GNG7: variants seen among roughly 807,000 people sequenced by gnomAD.
The protein encoded by GNG7 is G protein subunit gamma 7.
Under a neutral mutation model 4.0 loss-of-function variants are expected in GNG7, and 1 was observed. The ratio of observed to expected loss-of-function variants is 0.25; its 90% CI spans 0.09 to 1.18. The LOEUF (loss-of-function observed/expected upper bound fraction) is 1.18. Among genes scored for constraint, GNG7 ranks in the 50% most tolerant of loss-of-function variants. The pLI is 0.50. For missense variants in GNG7, 86 were observed against 91.9 expected (o/e 0.94, Z 0.26); for synonymous variants, 34 against 36.9 (o/e 0.92, Z 0.29).
chr19:2,579,301 G>A (rs1346884908), intron 2 of GNG7, among the ~76,000 whole-genome samples: 1 of 152,232 alleles, frequency 6.6e-6, no homozygotes, highest in Non-Finnish European at 1.5e-5. Flanking sequence ...CAGCACGGCT[G>A]GCTCCCGTCC....
chr19:2,624,832 A>T (rs2144836350), intron 2 of GNG7, among the ~76,000 whole-genome samples: 1 of 152,360 alleles, frequency 6.6e-6, no homozygotes, highest in East Asian at 1.9e-4. Flanking sequence ...CCTCCAGCCC[A>T]TCCCACAGGC....
At chr19:2,701,453 C>A (rs1913398717) in intron 1 of GNG7, among the ~76,000 whole-genome samples, 1 of 150,126 alleles carries the variant, frequency 6.7e-6, no homozygotes, top group Non-Finnish European at 1.5e-5. Context: ...CACTCACAAG[C>A]TCCCCATTTC....
intron 3 of GNG7, among the ~76,000 whole-genome samples, chr19:2,543,437 C>T (rs192572674): frequency 4.7e-4 from 72 of 152,216 alleles, no homozygotes; most frequent in Admixed American, 7.2e-4. Context: ...ATTGCTCAGG[C>T]CAGTCTCAAA....
Position 2,557,260 on chromosome 19 carries a change from C to T in GNG7, c.-77-2072G>A. On this transcript the variant is annotated intron_variant, in intron 2 of 4. Coordinates refer to ENST00000382159, the MANE Select transcript of GNG7 (RefSeq NM_052847.3). The surrounding 1 kb of genome is among the most constrained non-coding windows in gnomAD (Gnocchi z 5.1). ...ACGCACATGTGCACACACACGTGCA[C>T]ACACATTTGCACACACAGACACGTG... is the stretch of plus-strand genomic sequence containing the variant. Among the ~76,000 whole-genome samples the T allele has an allele frequency of 6.7e-6, 1 of 150,016 alleles. No individual in the cohort carries two copies. The highest frequency in any genetic ancestry group is 2.1e-4 in the South Asian group (1 of 4,786).
rs1568240124 is a variant in GNG7, at chr19:2,551,590, C to CAAATATATATTTATAAATATAT, written c.-38+3558_-38+3559insATATATTTATAAATATATATTT. 4.1e-5 allele frequency among the ~76,000 whole-genome samples: 5 copies of CAAATATATATTTATAAATATAT among 122,568 alleles called. 2 individuals are homozygous for CAAATATATATTTATAAATATAT. The highest frequency in any genetic ancestry group is 6.1e-5 in the African/African-American group (2 of 32,860). 80.4% of individuals were successfully genotyped at this position (122,568 alleles called of 152,430 possible). On this transcript the variant is annotated intron_variant, in intron 3 of 4. Coordinates refer to ENST00000382159, the MANE Select transcript of GNG7 (RefSeq NM_052847.3). ...CTATTATCTATAATATATAAATATGCATTTATAAATATATAAACAAATATA... is the reference window on the plus strand; with the variant it reads ...CTATTATCTATAATATATAAATATGCAAATATATATTTATAAATATATATTTATAAATATATAAACAAATATA...
intron 4 of GNG7, among the ~76,000 whole-genome samples, chr19:2,515,786 T>G (rs1362362831): frequency 6.6e-6 from 1 of 151,782 alleles, no homozygotes; most frequent in Non-Finnish European, 1.5e-5. Flanking sequence ...AGGAAGGGGA[T>G]GCGTGGGTGC....
rs1291875725 is a variant in GNG7 at position 2,528,270 on chromosome 19, A to T, written c.-37-7545T>A. 1.9e-4 allele frequency among the ~76,000 whole-genome samples: 7 copies of T among 37,546 alleles called. 1 individual carries two copies. The Admixed American group carries it at 1.9e-3, about 10-fold the overall frequency. The allele number at this position is 37,546 out of a possible 152,430, so 24.6% of individuals were successfully genotyped here. A position where few individuals can be genotyped will look rare whatever the true frequency, so the allele number is the denominator to read the frequency against. On this transcript the variant is annotated intron_variant, in intron 3 of 4. Transcript: ENST00000382159. ...TGGGTGACAGAGTGAGACCCTGTCT[A>T]AAAAAAAAAAAAAAAAAAAAGGCCT... is the stretch of plus-strand genomic sequence containing the variant.
At chr19:2,657,525 T>A (rs1254166114) in intron 1 of GNG7, among the ~76,000 whole-genome samples, 6 of 150,576 alleles carry the variant, frequency 4.0e-5, no homozygotes, top group Non-Finnish European at 7.4e-5. Context: ...TAGGACTTTT[T>A]GAATTCTGCC....
intron 2 of GNG7, among the ~76,000 whole-genome samples, chr19:2,640,065 GGAGA>G (rs1982460229): frequency 1.9e-5 from 2 of 103,870 alleles, no homozygotes; most frequent in Non-Finnish European, 4.0e-5. Flanking sequence ...AAGGAGGGAG[GGAGA>G]GAGGGAAGGA....
intron 2 of GNG7, among the ~76,000 whole-genome samples, chr19:2,588,358 C>A: frequency 6.6e-6 from 1 of 152,178 alleles, no homozygotes; most frequent in South Asian, 2.1e-4. Flanking sequence ...ATTAAAAAGT[C>A]ACAATGAGAT....
At chr19:2,624,515 C>T (rs533109103) in intron 2 of GNG7, among the ~76,000 whole-genome samples, 2 of 128,908 alleles carry the variant, frequency 1.6e-5, no homozygotes, top group East Asian at 2.2e-4. Context: ...TGGGAGACAG[C>T]GAGACTCCGT....
chr19:2,651,278 CTCCCTCCATCCCTCCCTCCCTACCT>C (rs1262852575), intron 1 of GNG7, among the ~76,000 whole-genome samples: 9 of 106,020 alleles, frequency 8.5e-5, no homozygotes, highest in African/African-American at 2.2e-4. Context: ...CCTTCCCTCC[CTCCCTCCATCCCTCCCTCCCTACCT>C]TCCCTCCATC....
At chr19:2,561,135 C>A (rs1361811977) in intron 2 of GNG7, among the ~76,000 whole-genome samples, 2 of 152,008 alleles carry the variant, frequency 1.3e-5, no homozygotes, top group African/African-American at 4.8e-5. Flanking sequence ...TGTGCAGCCT[C>A]CTGGGACCTC....
At chr19:2,691,436 C>G (rs1199777666) in intron 1 of GNG7, among the ~76,000 whole-genome samples, 2 of 151,934 alleles carry the variant, frequency 1.3e-5, no homozygotes, top group Non-Finnish European at 2.9e-5. Context: ...CCCAGCTACT[C>G]AGGAGGCTGA....
chr19:2,669,702 G>T (rs1983401643), intron 1 of GNG7, among the ~76,000 whole-genome samples: 1 of 152,044 alleles, frequency 6.6e-6, no homozygotes, highest in African/African-American at 2.4e-5. Flanking sequence ...TTACTCTCTG[G>T]CTCTTTACAG....
chr19:2,524,009 G>A (rs936873983), intron 3 of GNG7, among the ~76,000 whole-genome samples: 2 of 152,162 alleles, frequency 1.3e-5, no homozygotes, highest in African/African-American at 4.8e-5. Context: ...ATCCAACTCA[G>A]GGAAAACCGC....
intron 1 of GNG7, among the ~76,000 whole-genome samples, chr19:2,687,164 C>A (rs1009470814): frequency 6.6e-6 from 1 of 152,010 alleles, no homozygotes; most frequent in African/African-American, 2.4e-5. Flanking sequence ...CTCAAGCGAC[C>A]CTCCTGCCTC....
chr19:2,641,667 A>T (rs777974484), intron 2 of GNG7, among the ~76,000 whole-genome samples: 7 of 148,800 alleles, frequency 4.7e-5, no homozygotes, highest in Admixed American at 1.3e-4. Context: ...TTTTTTTTTT[A>T]TTTTTTCTTT....
chr19:2,672,976 G>A (rs112498931), intron 1 of GNG7, among the ~76,000 whole-genome samples: 11 of 152,154 alleles, frequency 7.2e-5, no homozygotes, highest in African/African-American at 2.6e-4. Flanking sequence ...CACTAGGTTG[G>A]CCGGGTGCGG....
Sources: gnomAD v4.1 joint callset for allele counts (sites outside exome capture counted in the v4.1 genomes callset) on GRCh38, gnomAD v4.1.1 for gene constraint, Gnocchi (gnomAD v3.1) non-coding constraint, MANE v1.5 for transcripts, NCBI Gene and HGNC (gene_info 2026-07-23, HGNC 2026-07-21) for gene names.